PSMD3: variants seen among roughly 807,000 people sequenced by gnomAD.
The protein encoded by PSMD3 is proteasome 26S subunit, non-ATPase 3.
PSMD3 carries 5 observed loss-of-function variants against 62.8 expected under a neutral mutation model. The ratio of observed to expected loss-of-function variants is 0.08; its 90% CI spans 0.04 to 0.17. The LOEUF (loss-of-function observed/expected upper bound fraction) is 0.17. Among genes scored for constraint, PSMD3 ranks in the 10% least tolerant of loss-of-function variants. The pLI, the probability that PSMD3 is intolerant of heterozygous loss-of-function variation, is 1.00. For synonymous variants in PSMD3, 265 were observed against 283.9 expected, an observed-to-expected ratio of 0.93 and a Z score of 0.67; for missense variants, 524 against 713.6, an observed-to-expected ratio of 0.73 and a Z score of 3.03.
intron 6 of PSMD3, among the ~76,000 whole-genome samples, chr17:39,992,121 A>T (rs1489474802): frequency 7.0e-6 from 1 of 141,930 alleles, no homozygotes; most frequent in Admixed American, 7.1e-5. Flanking sequence ...GTGCGTGAGC[A>T]AAATGTTAGA....
At chr17:39,997,256 C>A in intron 10 of PSMD3, 74 bp from the exon 11 acceptor site, 1 of 1,437,894 alleles carries the variant, frequency 7.0e-7, no homozygotes, top group Non-Finnish European at 9.8e-7. Context: ...AGAGGGGACG[C>A]AGGGAGTGCA....
intron 6 of PSMD3, chr17:39,993,113 G>A (rs539804800): frequency 6.6e-5 from 10 of 152,294 alleles, no homozygotes; most frequent in South Asian, 6.2e-4. Context: ...AGTGTGACAC[G>A]ATTGGTTTCT....
At chr17:39,988,940 C>A in intron 4 of PSMD3, 121 bp downstream of exon 4, 1 of 1,340,328 alleles carries the variant, frequency 7.5e-7, no homozygotes, top group Non-Finnish European at 1.0e-6. Flanking sequence ...GGAAGAGGGG[C>A]AGTGGTTCCC....
At chr17:39,989,174 A>G (rs1055834572) in intron 4 of PSMD3, among the ~76,000 whole-genome samples, 8 of 152,182 alleles carry the variant, frequency 5.3e-5, no homozygotes, top group African/African-American at 1.7e-4. Flanking sequence ...AGTCCTTACA[A>G]TACCTCATAA....
At chr17:39,986,864 C>T in intron 3 of PSMD3, 152 bp downstream of exon 3, 2 of 1,144,984 alleles carry the variant, frequency 1.7e-6, no homozygotes, top group East Asian at 2.6e-5. Context: ...CGTTTGATCC[C>T]ACATCCCAGG....
intron 1 of PSMD3, 105 bp downstream of exon 1, chr17:39,981,295 C>A (rs1338972879): frequency 2.0e-6 from 3 of 1,506,918 alleles, no homozygotes; most frequent in Non-Finnish European, 2.7e-6. Flanking sequence ...ACCCTCAGTT[C>A]TTTGGGATCA....
At chr17:39,985,464 C>G (rs2144808961) in intron 2 of PSMD3, among the ~76,000 whole-genome samples, 1 of 152,336 alleles carries the variant, frequency 6.6e-6, no homozygotes, top group Admixed American at 6.5e-5. Flanking sequence ...GGTGGCGCCT[C>G]CGTGCCAGGA....
intron 6 of PSMD3, among the ~76,000 whole-genome samples, chr17:39,991,321 AT>A (rs1389289681): frequency 6.6e-6 from 1 of 151,778 alleles, no homozygotes. Flanking sequence ...CGCCCAGCTA[AT>A]TTTTTGTATT....
In PSMD3 at chr17:39,990,077, C is replaced by T. The variant is rs1274906611; in HGVS notation, c.878-17C>T. ...GACCCTACTCTGTTGACCAACTCTC[C>T]TCTCCTCCACTCCCAGGGCGAATCA... is the stretch of plus-strand genomic sequence containing the variant. On this transcript the variant is annotated splice_polypyrimidine_tract_variant and intron_variant, in intron 5 of 11. Coordinates refer to ENST00000264639, the MANE Select transcript of PSMD3 (RefSeq NM_002809.4). 2.5e-6 allele frequency: 4 copies of T among 1,612,762 alleles called. No individual in the cohort carries two copies. Among genetic ancestry groups the T allele is most frequent in the Non-Finnish European group, 3.4e-6 (4 of 1,178,868 alleles).
Position 39,996,233 on chromosome 17 carries a change from T to C in PSMD3, c.1371T>C (p.Tyr457=), listed in dbSNP as rs773034303. The stretch of plus-strand genomic sequence containing the variant: ...CCAGCATCAACCACGAGAAGGGCTA[T>C]GTCCAATCCAAGGAGATGATTGACA... ...IEASINHEKG[Y]VQSKEMIDIY... Residue 457 remains tyrosine (Y), a synonymous_variant, in exon 10 of 12, where the codon TAT becomes TAC. Transcript: ENST00000264639. This position sits in a 1 kb window ranked among gnomAD's most constrained non-coding sequence, Gnocchi z 5.1. 2 of 1,614,056 alleles carry C rather than the reference T, an allele frequency of 1.2e-6. No individual in the cohort carries two copies. Among genetic ancestry groups the C allele is most frequent in the Non-Finnish European group, 8.5e-7 (1 of 1,180,012 alleles).
intron 10 of PSMD3, 60 bp from the exon 11 acceptor site, chr17:39,997,270 T>C (rs527749482): frequency 6.5e-7 from 1 of 1,541,998 alleles, no homozygotes; most frequent in African/African-American, 1.4e-5. Context: ...GAGTGCAGGT[T>C]GCGTGAGTGC....
Position 39,996,411 on chromosome 17 carries a change from GAGA to G in PSMD3, c.1476+77_1476+79del. The G allele has an allele frequency of 3.2e-6, 5 of 1,542,620 alleles. No homozygotes were observed. Among genetic ancestry groups the G allele is most frequent in the Non-Finnish European group, 4.4e-6 (5 of 1,134,394 alleles). ...TCCCTCCACACTCATGGATTCCTCAGAGAAGACTGGCTTAATTTGTGGCCCACG... is the reference window on the plus strand; with the variant it reads ...TCCCTCCACACTCATGGATTCCTCAGAGACTGGCTTAATTTGTGGCCCACG... On this transcript the variant is annotated intron_variant, in intron 10 of 11. Coordinates refer to ENST00000264639, the MANE Select transcript of PSMD3 (RefSeq NM_002809.4). The surrounding 1 kb of genome is among the most constrained non-coding windows in gnomAD (Gnocchi z 5.1).
At chr17:39,984,152 A>G (rs1311189319) in intron 1 of PSMD3, 142 bp from the exon 2 acceptor site, 3 of 707,126 alleles carry the variant, frequency 4.2e-6, no homozygotes, top group Admixed American at 3.3e-5. Context: ...GTGAGCCGAG[A>G]TCACACCACT....
In PSMD3 at chr17:39,984,455, C is replaced by T; in HGVS notation, c.382C>T (p.Arg128Ter). Residue 128 changes from arginine (R) to a stop codon, truncating the protein, a stop_gained, in exon 2 of 12, where the codon CGA becomes TGA. Coordinates refer to ENST00000264639, the MANE Select transcript of PSMD3 (RefSeq NM_002809.4). LOFTEE classifies it high-confidence loss of function. ...CTTCTTCACTTCAAATAATGCCACT[C>T]GAGACTTTTTGCTCCCCTTCCTGGA... ...QGFFTSNNAT[R>*]DFLLPFLEEP... 6.2e-7 allele frequency: 1 copy of T among 1,612,348 alleles called. No homozygotes were observed. The highest frequency in any genetic ancestry group is 8.5e-7 in the Non-Finnish European group (1 of 1,179,142).
At chr17:39,981,872 C>T (rs1306990667) in intron 1 of PSMD3, among the ~76,000 whole-genome samples, 1 of 152,108 alleles carries the variant, frequency 6.6e-6, no homozygotes, top group Non-Finnish European at 1.5e-5. Context: ...TCCTATATAC[C>T]GGTGTCTCCT....
In PSMD3 at chr17:39,989,777, A is replaced by G; in HGVS notation, c.725A>G (p.His242Arg). ...HARLRTATLR[H>R]DADGQATLLN... is the part of the protein sequence containing the mutation. ...CGGCTCCGGACAGCTACGCTTCGGCATGACGCAGACGGGCAGGCCACCCTG... is the reference window on the plus strand; with the variant it reads ...CGGCTCCGGACAGCTACGCTTCGGCGTGACGCAGACGGGCAGGCCACCCTG... Residue 242 changes from histidine to arginine, a missense_variant, in exon 5 of 12, where the codon CAT (histidine) becomes CGT (arginine). By Grantham distance (29) the His-to-Arg change is conservative. Around this residue, in one of 4 missense-constraint regions of PSMD3, gnomAD observed 396 missense variants for 475.8 expected, o/e 0.83. Transcript: ENST00000264639. The G allele has an allele frequency of 1.9e-6, 3 of 1,614,110 alleles. No individual in the cohort carries two copies. The South Asian group carries it at 3.3e-5, about 18-fold the overall frequency.
Position 39,990,196 on chromosome 17 carries a change from C to T in PSMD3, c.980C>T (p.Thr327Met), listed in dbSNP as rs771229403. Reference protein sequence around the residue: ...PQHTAVGFKQTVHKLLIVVEL... With the variant: ...PQHTAVGFKQMVHKLLIVVEL... ...CACACAGCTGTCGGCTTCAAACAGA[C>T]GGTGAGCCACAACTACCATCATCCC... The change falls in exon 6 of 12, where the codon ACG becomes ATG. Residue 327 changes from threonine to methionine, a missense_variant and splice_region_variant. Coordinates refer to ENST00000264639, the MANE Select transcript of PSMD3 (RefSeq NM_002809.4). 6.4e-5 allele frequency: 103 copies of T among 1,607,208 alleles called. No homozygotes were observed. Among genetic ancestry groups the T allele is most frequent in the Middle Eastern group, 1.7e-4 (1 of 5,970 alleles).
chr17:39,992,514 G>C (rs565413030), intron 6 of PSMD3, among the ~76,000 whole-genome samples: 11 of 152,342 alleles, frequency 7.2e-5, no homozygotes, highest in Non-Finnish European at 1.0e-4. Context: ...TGGTGGCACA[G>C]AGCGCTCTGA....
chr17:39,987,175 T>C (rs1278989595), intron 3 of PSMD3, among the ~76,000 whole-genome samples: 1 of 152,258 alleles, frequency 6.6e-6, no homozygotes, highest in East Asian at 1.9e-4. Flanking sequence ...TCATAAATGG[T>C]AGCTGTTATT....
Sources: gnomAD v4.1 joint callset for allele counts (sites outside exome capture counted in the v4.1 genomes callset) on GRCh38, gnomAD v4.1.1 for gene constraint, gnomAD v4.1.1 regional missense constraint, Gnocchi (gnomAD v3.1) non-coding constraint, MANE v1.5 for transcripts, NCBI Gene and HGNC (gene_info 2026-07-23, HGNC 2026-07-21) for gene names.